The following KDR variants were observed in gnomAD, a reference collection of about 807,000 sequenced individuals.
The protein encoded by KDR is vascular endothelial growth factor receptor 2.
KDR carries 43 observed loss-of-function variants against 160.9 expected under a neutral mutation model. The ratio of observed to expected loss-of-function variants is 0.27; its 90% CI spans 0.21 to 0.34. KDR has a LOEUF of 0.34. Ranked by LOEUF, KDR falls within the 10% of genes least tolerant of loss-of-function variation. The pLI is 1.00. For synonymous variants in KDR, 617 were observed against 600.1 expected (o/e 1.03, Z -0.41); for missense variants, 1,469 against 1,666.4 (o/e 0.88, Z 2.06).
chr4:55,097,891 A>G lies in KDR; in HGVS notation c.2510-125T>C, dbSNP rs571973227. On this transcript the variant is annotated intron_variant, in intron 17 of 29. Transcript: ENST00000263923. ...CAATTTAACATGGATAGTCCAGTTTACTCCTTTGTCCTGGCTTAATTATTT... is the reference window on the plus strand; with the variant it reads ...CAATTTAACATGGATAGTCCAGTTTGCTCCTTTGTCCTGGCTTAATTATTT... 49 of 833,060 alleles carry G rather than the reference A, an allele frequency of 5.9e-5. No individual in the cohort carries two copies. The South Asian group carries it at 6.7e-4, about 11-fold the overall frequency. The allele number at this position is 833,060 out of a possible 1,614,324, so 51.6% of individuals were successfully genotyped here. A position where few individuals can be genotyped will look rare whatever the true frequency, so the allele number is the denominator to read the frequency against.
chr4:55,096,797 C>T (rs1253972114), intron 18 of KDR: 6 of 218,828 alleles, frequency 2.7e-5, no homozygotes, highest in East Asian at 1.1e-4. Flanking sequence ...TCTGTGCAGG[C>T]GAATTAAGGC....
chr4:55,096,409 C>A, intron 18 of KDR, 67 bp from the exon 19 acceptor site: 1 of 1,123,076 alleles, frequency 8.9e-7, no homozygotes, highest in Non-Finnish European at 1.3e-6. Flanking sequence ...GGGGTCCCTC[C>A]CTCCCTGCAT....
In KDR at chr4:55,078,651, C is replaced by T; in HGVS notation, c.*1290G>A. 1 of 232,192 alleles carries T rather than the reference C, an allele frequency of 4.3e-6. No homozygotes were observed. 14.4% of individuals were successfully genotyped at this position (232,192 alleles called of 1,614,324 possible). ...CATAAACAGACTATAAATATATGTG[C>T]CATAGCATGTCTTATAGTCATTGTT... On this transcript the variant is annotated 3_prime_UTR_variant, in exon 30 of 30. Coordinates refer to ENST00000263923, the MANE Select transcript of KDR (RefSeq NM_002253.4).
At chr4:55,086,578 A>G (rs1719871004) in intron 27 of KDR, among the ~76,000 whole-genome samples, 1 of 152,234 alleles carries the variant, frequency 6.6e-6, no homozygotes, top group South Asian at 2.1e-4. Flanking sequence ...TGTGGGCAAC[A>G]TCTGATAATA....
intron 7 of KDR, among the ~76,000 whole-genome samples, chr4:55,112,117 A>G (rs947927348): frequency 7.2e-5 from 11 of 152,200 alleles, no homozygotes; most frequent in African/African-American, 2.7e-4. Flanking sequence ...GATTTTCTCA[A>G]GGCCAGTTCA....
chr4:55,122,593 C>T (rs1249381707), intron 1 of KDR, among the ~76,000 whole-genome samples: 1 of 152,204 alleles, frequency 6.6e-6, no homozygotes, highest in African/African-American at 2.4e-5. Flanking sequence ...AGTGACTGCA[C>T]ATGTTCTCAC....
rs1720131386 is a variant in KDR at position 55,095,585 on chromosome 4, G to C, written c.2809C>G (p.Pro937Ala). 1.2e-6 allele frequency: 2 copies of C among 1,608,818 alleles called. No individual in the cohort carries two copies. The highest frequency in any genetic ancestry group is 1.7e-6 in the Non-Finnish European group (2 of 1,175,494). The change falls in exon 20 of 30, where the codon CCC (proline) becomes GCC (alanine). Residue 937 changes from proline (P) to alanine (A), a missense_variant. This residue lies in a region of KDR where 151 missense variants were observed against 207.2 expected (regional missense o/e 0.73). Coordinates refer to ENST00000263923, the MANE Select transcript of KDR (RefSeq NM_002253.4). ...ATTAGGAGATGACATACCTTGTAGG[G>C]GACAAATTCATTTCTCTTGCTCCTC... ...YLRSKRNEFVPYKTKGARFRQ... is the reference protein window; with the variant it reads ...YLRSKRNEFVAYKTKGARFRQ...
chr4:55,089,289 A>G, intron 25 of KDR, 85 bp downstream of exon 25: 1 of 938,270 alleles, frequency 1.1e-6, no homozygotes, highest in Admixed American at 1.9e-5. Flanking sequence ...GGCAATGAAG[A>G]AGGTCTATAT....
In KDR at chr4:55,115,059, C is replaced by CAT; in HGVS notation, c.490-19_490-18dup. The CAT allele has an allele frequency of 6.2e-7, 1 of 1,602,724 alleles. No individual in the cohort carries two copies. Among genetic ancestry groups the CAT allele is most frequent in the Non-Finnish European group, 8.5e-7 (1 of 1,170,324 alleles). On this transcript the variant is annotated splice_polypyrimidine_tract_variant and intron_variant, in intron 4 of 29. Transcript: ENST00000263923. ...TGGGTATCTCTGGGTAATAAAAAGA[C>CAT]ATATCAAATATTTAATCCAGTACCA...
In KDR at chr4:55,094,785, G is replaced by A. The variant is rs201223889; in HGVS notation, c.2971+17C>T. The A allele has an allele frequency of 1.3e-4, 210 of 1,612,048 alleles. No individual in the cohort carries two copies. Among genetic ancestry groups the A allele is most frequent in the Non-Finnish European group, 1.7e-4 (201 of 1,178,166 alleles). On this transcript the variant is annotated intron_variant, in intron 21 of 29. Coordinates refer to ENST00000263923, the MANE Select transcript of KDR (RefSeq NM_002253.4). ...GACAAGAGCATGCCATAGCATGCAG[G>A]AAGCACTAGCCAGTACCTTCCTCTT...
Position 55,101,828 on chromosome 4 carries a change from A to C in KDR, c.2266+69T>G. 3 of 1,328,098 alleles carry C rather than the reference A, an allele frequency of 2.3e-6. No individual in the cohort carries two copies. The East Asian group carries it at 6.9e-5, about 31-fold the overall frequency. 82.3% of individuals were successfully genotyped at this position (1,328,098 alleles called of 1,614,324 possible). ...CCATGCAGCTGCAAAGGACATGATC[A>C]GATTCCTTTTTACGGCTGCATAGCA... On this transcript the variant is annotated intron_variant, in intron 15 of 29. Coordinates refer to ENST00000263923, the MANE Select transcript of KDR (RefSeq NM_002253.4).
chr4:55,086,779 C>T (rs1370545434), intron 27 of KDR, among the ~76,000 whole-genome samples: 1 of 152,188 alleles, frequency 6.6e-6, no homozygotes, highest in Admixed American at 6.5e-5. Flanking sequence ...AAGTTCTGGA[C>T]ATGAGAGAGC....
In KDR at chr4:55,102,387, A is replaced by G. The variant is rs775165889; in HGVS notation, c.2109T>C (p.Asp703=). 5.6e-6 allele frequency: 9 copies of G among 1,613,744 alleles called. No homozygotes were observed. In the Admixed American group the frequency reaches 1.5e-4, roughly 27 times the overall value. The change falls in exon 14 of 30, where the codon GAT becomes GAC. Residue 703 remains aspartate (D), a synonymous_variant. Coordinates refer to ENST00000263923, the MANE Select transcript of KDR (RefSeq NM_002253.4). ...NPPPQIMWFK[D]NETLVEDSGI... ...CTGAGTCTTCTACAAGGGTCTCATT[A>G]TCTTTAAACCACATGATCTGTGGAG... is the stretch of plus-strand genomic sequence containing the variant.
chr4:55,080,788 C>T (rs748502970), intron 29 of KDR, among the ~76,000 whole-genome samples: 17 of 152,148 alleles, frequency 1.1e-4, no homozygotes, highest in Admixed American at 3.3e-4. Context: ...TCCTGACAGA[C>T]GGTAATCATG....
intron 13 of KDR, among the ~76,000 whole-genome samples, chr4:55,104,328 C>G (rs1461394128): frequency 6.6e-6 from 1 of 152,160 alleles, no homozygotes. Context: ...TAGCTCATAG[C>G]AGGCATTCCA....
rs539911006 is a variant in KDR at position 55,114,130 on chromosome 4, G to A, written c.794C>T (p.Ser265Leu). The A allele has an allele frequency of 6.9e-5, 111 of 1,613,918 alleles. No individual in the cohort carries two copies. Among genetic ancestry groups the A allele is most frequent in the South Asian group, 2.2e-4 (20 of 91,084 alleles). ...GIDFNWEYPS[S>L]KHQHKKLVNR... ...GCTTTGAATCATTAGCGTTACCTTC[G>A]AAGAAGGGTATTCCCAGTTGAAGTC... Residue 265 changes from serine to leucine, a missense_variant, in exon 6 of 30, where the codon TCG becomes TTG. Ser to Leu is a moderately radical substitution (Grantham distance 145, BLOSUM62 -2). Coordinates refer to ENST00000263923, the MANE Select transcript of KDR (RefSeq NM_002253.4).
At chr4:55,115,124 CTTATTT>C (rs1720700485) in intron 4 of KDR, 82 bp from the exon 5 acceptor site, 1 of 1,334,850 alleles carries the variant, frequency 7.5e-7, no homozygotes, top group Non-Finnish European at 1.1e-6. Context: ...AAGAATTCAT[CTTATTT>C]TTAAGAATAC....
chr4:55,103,110 A>G (rs1032392831), intron 13 of KDR, among the ~76,000 whole-genome samples: 1 of 152,178 alleles, frequency 6.6e-6, no homozygotes. Context: ...TGGTGAGGCT[A>G]AAAGACCAGT....
At chr4:55,085,096 G>T (rs963155766) in intron 27 of KDR, among the ~76,000 whole-genome samples, 1 of 152,214 alleles carries the variant, frequency 6.6e-6, no homozygotes, top group African/African-American at 2.4e-5. Flanking sequence ...GCTGCTTGAT[G>T]TGTGAGGTGA....
Sources: gnomAD v4.1 joint callset for allele counts (sites outside exome capture counted in the v4.1 genomes callset) on GRCh38, gnomAD v4.1.1 for gene constraint, gnomAD v4.1.1 regional missense constraint, MANE v1.5 for transcripts, NCBI Gene and HGNC (gene_info 2026-07-23, HGNC 2026-07-21) for gene names.